The following DAB1 variants were observed in gnomAD, a reference collection of about 807,000 sequenced individuals.
The protein encoded by DAB1 is DAB adaptor protein 1.
Under a neutral mutation model 64.6 loss-of-function variants are expected in DAB1, and 15 were observed. The observed-to-expected ratio is 0.23, with a 90% CI of 0.16 to 0.36. The LOEUF (loss-of-function observed/expected upper bound fraction) is 0.36, where lower values mean the gene tolerates loss of function less well. DAB1 is among the 10% of genes least tolerant of loss of function. The pLI, the probability that DAB1 is intolerant of heterozygous loss-of-function variation, is 1.00. For synonymous variants in DAB1, 235 were observed against 251.9 expected (o/e 0.93, Z 0.64); for missense variants, 596 against 706.7 (o/e 0.84, Z 1.78).
intron 5 of DAB1, chr1:58,048,642 A>G (rs998646867): frequency 5.1e-5 from 63 of 1,236,412 alleles, no homozygotes; most frequent in Admixed American, 1.0e-4. Flanking sequence ...TTTCCTCCAC[A>G]ACCAAAGTTG....
intron 3 of DAB1, among the ~76,000 whole-genome samples, chr1:58,408,618 A>G (rs533405931): frequency 1.3e-5 from 2 of 152,312 alleles, no homozygotes; most frequent in African/African-American, 4.8e-5. Flanking sequence ...GAGGGTTTCA[A>G]TTTACATTAT....
chr1:57,336,942 A>T (rs1029092322), intron 1 of DAB1, among the ~76,000 whole-genome samples: 1 of 152,128 alleles, frequency 6.6e-6, no homozygotes, highest in Non-Finnish European at 1.5e-5. Context: ...CTCCTTCTAC[A>T]CAGTATTGCC....
rs953214067 is a variant in DAB1 at position 57,755,476 on chromosome 1, C to T, written n.552-105811G>A. Among the ~76,000 whole-genome samples the T allele has an allele frequency of 2.0e-5, 3 of 152,228 alleles. No individual in the cohort carries two copies. The East Asian group carries it at 5.8e-4, about 29-fold the overall frequency. On this transcript the variant is annotated intron_variant and non_coding_transcript_variant, in intron 6 of 20. Coordinates refer to the DAB1 transcript ENST00000485760. ...TGGGATATGTGAGAACAAAATTGGT[C>T]GATCCCACATGAATGAAATTTTCTG... is the stretch of plus-strand genomic sequence containing the variant.
At chr1:57,305,075 T>C (rs1382071410) in intron 1 of DAB1, among the ~76,000 whole-genome samples, 1 of 152,214 alleles carries the variant, frequency 6.6e-6, no homozygotes, top group Non-Finnish European at 1.5e-5. Flanking sequence ...TGATGACACA[T>C]TCACATTAAG....
chr1:57,204,572 T>C (rs264037), intron 2 of DAB1, among the ~76,000 whole-genome samples: 74,216 of 151,970 alleles, frequency 0.49, 18,297 homozygotes, highest in Admixed American at 0.54. Context: ...TTTGGCATCA[T>C]CTGGGTTTGA....
At chr1:57,425,051 T>C (rs772038070), upstream of DAB1, among the ~76,000 whole-genome samples, 47 of 152,194 alleles carry the variant, frequency 3.1e-4, no homozygotes, top group Non-Finnish European at 7.3e-5. Flanking sequence ...TGGGTCATTC[T>C]GAAAATTCTT....
chr1:57,491,025 G>C (rs902264037), intron 7 of DAB1, among the ~76,000 whole-genome samples: 4 of 152,362 alleles, frequency 2.6e-5, no homozygotes, highest in African/African-American at 9.6e-5. Context: ...ACAAGGAAAA[G>C]AGCATAGGCT....
At chr1:57,592,840 G>A (rs955756524) in intron 7 of DAB1, among the ~76,000 whole-genome samples, 2 of 152,112 alleles carry the variant, frequency 1.3e-5, no homozygotes, top group South Asian at 2.1e-4. Flanking sequence ...CCACCTTCTC[G>A]CTGTGTCCTC....
At chr1:57,325,331 A>G (rs1676068111) in intron 1 of DAB1, among the ~76,000 whole-genome samples, 1 of 152,220 alleles carries the variant, frequency 6.6e-6, no homozygotes, top group Non-Finnish European at 1.5e-5. Flanking sequence ...GTTGGTAAGC[A>G]TGCTTTACAC....
At chr1:57,080,926 C>T (rs1411292822) in intron 4 of DAB1, among the ~76,000 whole-genome samples, 1 of 152,118 alleles carries the variant, frequency 6.6e-6, no homozygotes, top group African/African-American at 2.4e-5. Context: ...ACATTCATTC[C>T]CCAAAAGCCC....
intron 5 of DAB1, among the ~76,000 whole-genome samples, chr1:58,104,668 T>C (rs1651530286): frequency 6.6e-6 from 1 of 152,214 alleles, no homozygotes; most frequent in African/African-American, 2.4e-5. Flanking sequence ...TCTTAACATA[T>C]TTAAATCCAT....
At chr1:57,367,732 C>T (rs912499960) in intron 1 of DAB1, among the ~76,000 whole-genome samples, 2 of 152,144 alleles carry the variant, frequency 1.3e-5, no homozygotes, top group African/African-American at 4.8e-5. Context: ...GGAGCACTGT[C>T]CCTTCTGAGT....
rs1318663539 is a variant in DAB1 at position 58,300,617 on chromosome 1, A to AAAGAAAGAAG, written n.309+42734_309+42735insCTTCTTTCTT. On this transcript the variant is annotated intron_variant and non_coding_transcript_variant, in intron 4 of 20. Coordinates refer to the DAB1 transcript ENST00000485760. Reference sequence around the variant, plus strand: ...GAAAGAAAGAAAGAAAGAAAGAGAGAGAGAGAGAGAGAGAGAGAGAGAGAG... The same window carrying AAAGAAAGAAG: ...GAAAGAAAGAAAGAAAGAAAGAGAGAAAGAAAGAAGGAGAGAGAGAGAGAGAGAGAGAGAG... Among the ~76,000 whole-genome samples, 8 of 36,634 alleles carry AAAGAAAGAAG rather than the reference A, an allele frequency of 2.2e-4. 1 individual carries two copies. Among genetic ancestry groups the AAAGAAAGAAG allele is most frequent in the African/African-American group, 7.1e-4 (8 of 11,200 alleles). The allele number at this position is 36,634 out of a possible 152,430, so 24.0% of individuals were successfully genotyped here.
chr1:57,021,667 G>A (rs895732129), intron 11 of DAB1, among the ~76,000 whole-genome samples: 1 of 152,220 alleles, frequency 6.6e-6, no homozygotes, highest in South Asian at 2.1e-4. Context: ...TGTCAGGTAT[G>A]TCTTTATCAG....
chr1:57,794,397 G>A (rs1259230088), intron 6 of DAB1, among the ~76,000 whole-genome samples: 1 of 152,134 alleles, frequency 6.6e-6, no homozygotes, highest in Non-Finnish European at 1.5e-5. Context: ...TTTCTGTATT[G>A]CTTCTTGTTT....
chr1:57,855,241 A>T (rs1383899235), intron 1 of DAB1, among the ~76,000 whole-genome samples: 1 of 152,124 alleles, frequency 6.6e-6, no homozygotes, highest in African/African-American at 2.4e-5. Context: ...AACTCAACAC[A>T]TGATGCTTGG....
intron 4 of DAB1, among the ~76,000 whole-genome samples, chr1:57,109,376 C>T (rs769094188): frequency 4.6e-5 from 7 of 152,154 alleles, no homozygotes; most frequent in Admixed American, 1.3e-4. Context: ...GAAAGTGCTT[C>T]GTTTTGAACA....
intron 2 of DAB1, among the ~76,000 whole-genome samples, chr1:57,287,778 T>TTTATTTATTTA (rs1553164511): frequency 6.2e-4 from 90 of 144,144 alleles, no homozygotes; most frequent in African/African-American, 2.0e-3. Context: ...TTTCTCTCTC[T>TTTATTTATTTA]TTTATTTATT....
intron 1 of DAB1, among the ~76,000 whole-genome samples, chr1:57,326,548 A>G (rs904806983): frequency 2.6e-5 from 4 of 152,170 alleles, no homozygotes; most frequent in African/African-American, 9.7e-5. Flanking sequence ...GCGTCTTTTC[A>G]GCTTGTGCTG....
Sources: gnomAD v4.1 joint callset for allele counts (sites outside exome capture counted in the v4.1 genomes callset) on GRCh38, gnomAD v4.1.1 for gene constraint, MANE v1.5 for transcripts, NCBI Gene and HGNC (gene_info 2026-07-23, HGNC 2026-07-21) for gene names.